TC2N: variants seen among roughly 807,000 people sequenced by gnomAD.
The protein encoded by TC2N is tandem C2 domains nuclear protein.
A neutral mutation model predicts 61.9 loss-of-function variants in TC2N; 51 were observed. The ratio of observed to expected loss-of-function variants is 0.82; its 90% CI spans 0.66 to 1.04. The LOEUF is 1.04. Among genes scored for constraint, TC2N ranks in the 50% least tolerant of loss-of-function variants. The pLI, the probability that TC2N is intolerant of heterozygous loss-of-function variation, is 0.00. For missense variants in TC2N, 556 were observed against 566.7 expected (o/e 0.98, Z 0.19); for synonymous variants, 204 against 192.6 (o/e 1.06, Z -0.49).
intron 1 of TC2N, among the ~76,000 whole-genome samples, chr14:91,865,794 T>G (rs1485511657): frequency 6.6e-6 from 1 of 152,178 alleles, no homozygotes. Context: ...CTAAAATAAT[T>G]TTGTGGACCC....
intron 1 of TC2N, among the ~76,000 whole-genome samples, chr14:91,819,756 C>T (rs116367915): frequency 0.014 from 2,162 of 152,064 alleles, 66 homozygotes; most frequent in African/African-American, 0.049. Flanking sequence ...ACATCAATAG[C>T]ACAAAGGCCG....
chr14:91,783,483 C>G (rs924876842), intron 11 of TC2N, among the ~76,000 whole-genome samples: 2 of 151,974 alleles, frequency 1.3e-5, no homozygotes, highest in African/African-American at 4.8e-5. Context: ...TCCCCTAGAA[C>G]AGTTATTAGT....
chr14:91,831,022 T>C lies in TC2N; in HGVS notation c.-56-17197A>G, dbSNP rs190295216. 7.8e-4 allele frequency among the ~76,000 whole-genome samples: 119 copies of C among 152,334 alleles called. 2 individuals carry two copies. The East Asian group carries it at 0.019, about 24-fold the overall frequency. ...CTTGGTGACATGCAAATATACCAAG[T>C]GCCTATTCAAATGCATCAAGTTTCC... On this transcript the variant is annotated intron_variant, in intron 1 of 11. Transcript: ENST00000435962.
chr14:91,819,714 G>A (rs1887161070), intron 1 of TC2N, among the ~76,000 whole-genome samples: 1 of 151,986 alleles, frequency 6.6e-6, no homozygotes, highest in East Asian at 1.9e-4. Flanking sequence ...TGAGACAAAA[G>A]GTTTGTAACA....
chr14:91,831,131 G>T (rs1306991353), intron 1 of TC2N, among the ~76,000 whole-genome samples: 1 of 151,576 alleles, frequency 6.6e-6, no homozygotes, highest in Non-Finnish European at 1.5e-5. Context: ...TTAGATTTTG[G>T]CATGTTAATT....
At chr14:91,826,085 G>A (rs759601168) in intron 1 of TC2N, among the ~76,000 whole-genome samples, 12 of 152,168 alleles carry the variant, frequency 7.9e-5, no homozygotes, top group African/African-American at 2.4e-4. Context: ...TGTGGGGGCC[G>A]AGGCAGGAGG....
Position 91,862,209 on chromosome 14 carries a change from G to A in TC2N, c.-57+5053C>T, listed in dbSNP as rs1187488787. On this transcript the variant is annotated intron_variant, in intron 1 of 11. Transcript: ENST00000435962. ...AAAAAAATCAGCCAGGCGTGGTGGC[G>A]GGCACATGTGGTCCCAGCTACTTGG... Among the ~76,000 whole-genome samples, 69 of 151,372 alleles carry A rather than the reference G, an allele frequency of 4.6e-4. 1 individual carries two copies. Among genetic ancestry groups the A allele is most frequent in the Admixed American group, 4.3e-3 (66 of 15,186 alleles).
rs773219256 is a variant in TC2N at position 91,813,812 on chromosome 14, A to C, written c.-43T>G. 8.2e-6 allele frequency: 11 copies of C among 1,348,422 alleles called. No homozygotes were observed. The highest frequency in any genetic ancestry group is 3.5e-5 in the Admixed American group (2 of 57,750). The allele number at this position is 1,348,422 out of a possible 1,614,324, so 83.5% of individuals were successfully genotyped here. ...ATCCAGCAAAAGACACAAACTTCCA[A>C]TCTTAATATTAATCTGTTGGTAGAA... On this transcript the variant is annotated 5_prime_UTR_variant, in exon 2 of 12. Transcript: ENST00000435962.
At chr14:91,821,216 A>G (rs549906191) in intron 1 of TC2N, among the ~76,000 whole-genome samples, 28 of 152,186 alleles carry the variant, frequency 1.8e-4, no homozygotes, top group African/African-American at 6.3e-4. Context: ...GACTAACTTC[A>G]AAATTTACTA....
intron 3 of TC2N, among the ~76,000 whole-genome samples, chr14:91,803,255 T>C (rs991749379): frequency 2.6e-5 from 4 of 151,794 alleles, no homozygotes; most frequent in Admixed American, 6.6e-5. Flanking sequence ...CTAAATGAAA[T>C]ATTACAGACA....
chr14:91,799,211 T>TG (rs1157740609), intron 5 of TC2N, 147 bp from the exon 6 acceptor site: 5 of 455,386 alleles, frequency 1.1e-5, no homozygotes, highest in African/African-American at 9.2e-5. Flanking sequence ...TTACAGGTAG[T>TG]GGAAAAAAAA....
chr14:91,862,618 G>C (rs1888615753), intron 1 of TC2N, among the ~76,000 whole-genome samples: 1 of 152,208 alleles, frequency 6.6e-6, no homozygotes, highest in Admixed American at 6.5e-5. Context: ...AGGAGCACAA[G>C]GCAACTTGGC....
At chr14:91,819,088 A>C (rs1281251338) in intron 1 of TC2N, among the ~76,000 whole-genome samples, 1 of 152,206 alleles carries the variant, frequency 6.6e-6, no homozygotes, top group Non-Finnish European at 1.5e-5. Flanking sequence ...CCATAATAAC[A>C]TCATTCAAAA....
At chr14:91,797,606 A>T (rs969036274) in intron 8 of TC2N, among the ~76,000 whole-genome samples, 179 bp downstream of exon 8, 7 of 151,964 alleles carry the variant, frequency 4.6e-5, no homozygotes, top group Non-Finnish European at 1.0e-4. Flanking sequence ...TCTTAATACT[A>T]GACAATGAAA....
Position 91,798,347 on chromosome 14 carries a change from T to A in TC2N, c.690A>T (p.Lys230Asn), listed in dbSNP as rs769266798. ...GTTCTACTGAAGAATTATAAAACAA[T>A]TTCACATTCAGTCTCCCAAAGTCCC... ...DERDFGRLNV[K>N]LFYNSSVEQI... The change falls in exon 7 of 12, where the codon AAA becomes AAT. Residue 230 changes from lysine to asparagine, a missense_variant. Physicochemically the swap from Lys to Asn is moderately conservative, Grantham distance 94. Transcript: ENST00000435962. 1 of 1,596,940 alleles carries A rather than the reference T, an allele frequency of 6.3e-7. No homozygotes were observed. Among genetic ancestry groups the A allele is most frequent in the Non-Finnish European group, 8.5e-7 (1 of 1,170,192 alleles).
intron 11 of TC2N, 46 bp downstream of exon 11, chr14:91,785,116 T>A: frequency 7.4e-7 from 1 of 1,356,534 alleles, no homozygotes. Context: ...AACTGACTGT[T>A]TAAATGCATA....
At chr14:91,789,970 G>A (rs139145868) in intron 9 of TC2N, among the ~76,000 whole-genome samples, 1 of 152,238 alleles carries the variant, frequency 6.6e-6, no homozygotes, top group East Asian at 1.9e-4. Flanking sequence ...TCTTAGCGGG[G>A]CAATACATGG....
At chr14:91,789,152 G>A (rs975767527) in intron 9 of TC2N, among the ~76,000 whole-genome samples, 4 of 152,056 alleles carry the variant, frequency 2.6e-5, no homozygotes, top group African/African-American at 4.8e-5. Context: ...GTGGCAAAAC[G>A]TCTCTTATTG....
At chr14:91,803,938 G>A (rs1173720448) in intron 3 of TC2N, among the ~76,000 whole-genome samples, 1 of 152,162 alleles carries the variant, frequency 6.6e-6, no homozygotes, top group African/African-American at 2.4e-5. Flanking sequence ...GAGATCAGAT[G>A]AGATCAGGAG....
Sources: gnomAD v4.1 joint callset for allele counts (sites outside exome capture counted in the v4.1 genomes callset) on GRCh38, gnomAD v4.1.1 for gene constraint, MANE v1.5 for transcripts, NCBI Gene and HGNC (gene_info 2026-07-23, HGNC 2026-07-21) for gene names.